CAMK1D: variants seen among roughly 807,000 people sequenced by gnomAD.
CAMK1D encodes calcium/calmodulin-dependent protein kinase type 1D.
CAMK1D carries 9 observed loss-of-function variants against 47.7 expected under a neutral mutation model. The observed-to-expected ratio is 0.19, with a 90% confidence interval of 0.11 to 0.33. The LOEUF (loss-of-function observed/expected upper bound fraction) is 0.33. Ranked by LOEUF, CAMK1D falls within the 10% of genes least tolerant of loss-of-function variation. The pLI, the probability that CAMK1D is intolerant of heterozygous loss-of-function variation, is 1.00. For missense variants in CAMK1D, 291 were observed against 488.7 expected, an observed-to-expected ratio of 0.60 and a Z score of 3.81; for synonymous variants, 184 against 184.9, an observed-to-expected ratio of 0.99 and a Z score of 0.04.
chr10:12,634,291 G>A (rs998835923), intron 2 of CAMK1D, among the ~76,000 whole-genome samples: 2 of 152,098 alleles, frequency 1.3e-5, no homozygotes, highest in Non-Finnish European at 1.5e-5. Flanking sequence ...GTGATTCATT[G>A]GGGAGAGAAG....
At chr10:12,499,533 C>T (rs1005881445) in intron 1 of CAMK1D, among the ~76,000 whole-genome samples, 3 of 152,156 alleles carry the variant, frequency 2.0e-5, no homozygotes, top group Non-Finnish European at 2.9e-5. Flanking sequence ...CCCCCAGATC[C>T]GAATCCCTTC....
intron 1 of CAMK1D, among the ~76,000 whole-genome samples, chr10:12,540,068 T>C (rs968174581): frequency 6.6e-6 from 1 of 151,990 alleles, no homozygotes; most frequent in Admixed American, 6.6e-5. Context: ...TGTGTGCAAC[T>C]ACACCTAGCT....
chr10:12,678,769 G>GT (rs1387080578), intron 3 of CAMK1D, among the ~76,000 whole-genome samples: 2 of 151,978 alleles, frequency 1.3e-5, no homozygotes, highest in Non-Finnish European at 1.5e-5. Context: ...TTATAATCAT[G>GT]TTTTTAATCC....
intron 3 of CAMK1D, among the ~76,000 whole-genome samples, chr10:12,711,947 G>A (rs538219211): frequency 5.3e-5 from 8 of 152,164 alleles, no homozygotes; most frequent in African/African-American, 1.2e-4. Flanking sequence ...TTTCTCAGAC[G>A]TAATTTCAGA....
rs1341616391 is a variant in CAMK1D at position 12,829,334 on chromosome 10, A to G, written c.*447A>G. ...TAAGAAGTATGTCCTTTGTATCTCTAAGTTACATGACCTATATCTTTTCCT... is the reference window on the plus strand; with the variant it reads ...TAAGAAGTATGTCCTTTGTATCTCTGAGTTACATGACCTATATCTTTTCCT... On this transcript the variant is annotated 3_prime_UTR_variant, in exon 11 of 11. Transcript: ENST00000619168. 1.3e-5 allele frequency: 2 copies of G among 153,222 alleles called. No homozygotes were observed. The highest frequency in any genetic ancestry group is 4.8e-5 in the African/African-American group (2 of 41,420). The allele number at this position is 153,222 out of a possible 1,614,324, so 9.5% of individuals were successfully genotyped here. A position where few individuals can be genotyped will look rare whatever the true frequency, so the allele number is the denominator to read the frequency against.
intron 3 of CAMK1D, among the ~76,000 whole-genome samples, chr10:12,749,042 G>C (rs775517495): frequency 1.4e-5 from 2 of 147,008 alleles, no homozygotes; most frequent in Non-Finnish European, 3.0e-5. Context: ...GGTTTTTATA[G>C]AGAGACAATT....
chr10:12,375,200 A>G (rs1440924914), intron 1 of CAMK1D, among the ~76,000 whole-genome samples: 6 of 152,186 alleles, frequency 3.9e-5, no homozygotes, highest in Non-Finnish European at 8.8e-5. Flanking sequence ...ATTTTCCAAA[A>G]TACCTTGCAC....
Position 12,467,732 on chromosome 10 carries a change from T to G in CAMK1D, c.93-85493T>G, listed in dbSNP as rs1293284969. Reference sequence around the variant, plus strand: ...TTGTAGGGATGGCATATGTATTTGTTGAATAAATGGGCTGCAGAAGCACCT... The same window carrying G: ...TTGTAGGGATGGCATATGTATTTGTGGAATAAATGGGCTGCAGAAGCACCT... On this transcript the variant is annotated intron_variant, in intron 1 of 10. Transcript: ENST00000619168. Among the ~76,000 whole-genome samples, 5 of 152,332 alleles carry G rather than the reference T, an allele frequency of 3.3e-5. No individual in the cohort carries two copies. In the East Asian group the frequency reaches 5.8e-4, roughly 18 times the overall value.
At chr10:12,355,675 A>T (rs779559262) in intron 1 of CAMK1D, among the ~76,000 whole-genome samples, 1 of 152,162 alleles carries the variant, frequency 6.6e-6, no homozygotes, top group Admixed American at 6.5e-5. Context: ...CCCCGAGGGT[A>T]TCCCCGCTGC....
chr10:12,829,949 C>T lies in CAMK1D; in HGVS notation c.*1062C>T, dbSNP rs1182485663. The T allele has an allele frequency of 6.6e-6, 1 of 152,196 alleles. No homozygotes were observed. The highest frequency in any genetic ancestry group is 2.1e-4 in the South Asian group (1 of 4,824). The allele number at this position is 152,196 out of a possible 1,614,324, so 9.4% of individuals were successfully genotyped here. On this transcript the variant is annotated 3_prime_UTR_variant, in exon 11 of 11. Transcript: ENST00000619168. ...AGCAGAACCCACACCCACCAGAGAC[C>T]CTAGAGGCCTCTTGCCATCAGCAAC...
At chr10:12,740,260 C>T (rs1218162944) in intron 3 of CAMK1D, among the ~76,000 whole-genome samples, 1 of 152,142 alleles carries the variant, frequency 6.6e-6, no homozygotes, top group Non-Finnish European at 1.5e-5. Context: ...AAATAAATGA[C>T]TGTTTCGTGG....
chr10:12,464,771 C>T (rs10906154), intron 1 of CAMK1D, among the ~76,000 whole-genome samples: 8,012 of 150,616 alleles, frequency 0.053, 464 homozygotes, highest in African/African-American at 0.14. Flanking sequence ...GCCGAGATCT[C>T]GCCACTGCAC....
At position 12,520,883 on chromosome 10, in the gene CAMK1D, C is replaced by A. The variant is rs1480860468; in HGVS notation, c.93-32342C>A. On this transcript the variant is annotated intron_variant, in intron 1 of 10. Coordinates refer to ENST00000619168, the MANE Select transcript of CAMK1D (RefSeq NM_153498.4). ...CAGTGAGCCGAGATGGCAGCAGTAC[C>A]GTCCAGCTTTGGCTCGGCATCAGAG... 2.1e-4 allele frequency among the ~76,000 whole-genome samples: 6 copies of A among 28,718 alleles called. 1 individual carries two copies. Among genetic ancestry groups the A allele is most frequent in the Non-Finnish European group, 3.7e-4 (5 of 13,592 alleles). 18.8% of individuals were successfully genotyped at this position (28,718 alleles called of 152,430 possible).
intron 5 of CAMK1D, among the ~76,000 whole-genome samples, chr10:12,783,173 A>G (rs36058927): frequency 0.098 from 14,859 of 151,892 alleles, 772 homozygotes; most frequent in Middle Eastern, 0.18. Context: ...TTGTATTTTT[A>G]GTAGAGACGG....
chr10:12,733,354 G>A (rs1834981230), intron 3 of CAMK1D, among the ~76,000 whole-genome samples: 1 of 152,214 alleles, frequency 6.6e-6, no homozygotes, highest in Non-Finnish European at 1.5e-5. Context: ...GAGAAAAATT[G>A]CAGAATTGAA....
At chr10:12,408,848 C>CTTTTTTTT (rs113921067) in intron 1 of CAMK1D, among the ~76,000 whole-genome samples, 273 of 121,828 alleles carry the variant, frequency 2.2e-3, no homozygotes, top group Non-Finnish European at 2.8e-3. Context: ...TTCTTTCTTT[C>CTTTTTTTT]TTTTTTTTTT....
intron 3 of CAMK1D, among the ~76,000 whole-genome samples, 178 bp from the exon 4 acceptor site, chr10:12,760,770 C>G (rs1350211579): frequency 6.6e-6 from 1 of 152,046 alleles, no homozygotes; most frequent in Non-Finnish European, 1.5e-5. Flanking sequence ...CAGACATTTG[C>G]TCTGCTGTGA....
chr10:12,358,448 G>A (rs114901654), intron 1 of CAMK1D, among the ~76,000 whole-genome samples: 1 of 152,106 alleles, frequency 6.6e-6, no homozygotes, highest in African/African-American at 2.4e-5. Flanking sequence ...CGTGAGAAAC[G>A]CTTGAGCCTG....
At chr10:12,636,494 T>A (rs12263300) in intron 2 of CAMK1D, among the ~76,000 whole-genome samples, 71,940 of 151,886 alleles carry the variant, frequency 0.47, 17,489 homozygotes, top group South Asian at 0.64. Context: ...CACCAGGCTA[T>A]TTTTTGTATT....
Sources: gnomAD v4.1 joint callset for allele counts (sites outside exome capture counted in the v4.1 genomes callset) on GRCh38, gnomAD v4.1.1 for gene constraint, MANE v1.5 for transcripts, NCBI Gene and HGNC (gene_info 2026-07-23, HGNC 2026-07-21) for gene names.